PARP14: variants seen among roughly 807,000 people sequenced by gnomAD.
PARP14 encodes the protein poly(ADP-ribose) polymerase family member 14.
In PARP14, 59 loss-of-function variants were observed where a neutral mutation model predicts 154.2. The observed-to-expected ratio is 0.38, with a 90% confidence interval of 0.31 to 0.48. The LOEUF is 0.48. Among genes scored for constraint, PARP14 ranks in the 20% least tolerant of loss-of-function variants. PARP14 has a pLI of 0.98. For missense variants in PARP14, 1,734 were observed against 2,131.6 expected (o/e 0.81, Z 3.67); for synonymous variants, 720 against 780.5 (o/e 0.92, Z 1.29).
At position 122,727,589 on chromosome 3, in the gene PARP14, G is replaced by A. The variant is rs943698786; in HGVS notation, c.4942-223G>A. ...TCCTAAACCTTGTTTGATCTCATGC[G>A]GTACATAAAAGATGTTAAAAATTAA... On this transcript the variant is annotated intron_variant, in intron 15 of 16. Transcript: ENST00000474629. Among the ~76,000 whole-genome samples the A allele has an allele frequency of 1.3e-5, 2 of 152,142 alleles. No homozygotes were observed. The highest frequency in any genetic ancestry group is 2.9e-5 in the Non-Finnish European group (2 of 68,034).
intron 9 of PARP14, among the ~76,000 whole-genome samples, chr3:122,709,885 A>T: frequency 9.3e-6 from 1 of 107,614 alleles, no homozygotes. Context: ...TTTTGATGGG[A>T]TTATTTGTTT....
chr3:122,683,595 A>G (rs1369214528), intron 1 of PARP14, among the ~76,000 whole-genome samples: 1 of 152,228 alleles, frequency 6.6e-6, no homozygotes, highest in East Asian at 1.9e-4. Context: ...TTCTCCTTAA[A>G]TAAAATTAAA....
intron 14 of PARP14, 112 bp downstream of exon 14, chr3:122,719,070 T>C: frequency 9.4e-7 from 1 of 1,059,792 alleles, no homozygotes; most frequent in Non-Finnish European, 1.3e-6. Context: ...GTGACACTAA[T>C]GAAATAAACT....
rs1226250832 is a variant in PARP14 at position 122,701,549 on chromosome 3, G to A, written c.2995G>A (p.Gly999Arg). 2 of 1,610,716 alleles carry A rather than the reference G, an allele frequency of 1.2e-6. No individual in the cohort carries two copies. The highest frequency in any genetic ancestry group is 2.2e-5 in the East Asian group (1 of 44,798). ...TTTACCACCAGCAGCAGCGGGGCCT[G>A]GGAAAACATCATGGGAAAAAGGAAG... ...PGLPPAAAGPGKTSWEKGSLV... is the reference protein window; with the variant it reads ...PGLPPAAAGPRKTSWEKGSLV... Residue 999 changes from glycine (G) to arginine (R), a missense_variant, in exon 6 of 17, where the codon GGG becomes AGG. Around this residue, in one of 2 missense-constraint regions of PARP14, gnomAD observed 1,646 missense variants for 1,976.0 expected, o/e 0.83. Coordinates refer to ENST00000474629, the MANE Select transcript of PARP14 (RefSeq NM_017554.3). This position sits in a 1 kb window ranked among gnomAD's most constrained non-coding sequence, Gnocchi z 4.0.
In PARP14 at chr3:122,712,069, T is replaced by C. The variant is rs1278696283; in HGVS notation, c.3620-1355T>C. ...TCATTTTTATCTTTTTTTGTTTGTT[T>C]GTTTGAGGTCTTTTTAAAATAGTTT... On this transcript the variant is annotated intron_variant, in intron 9 of 16. Transcript: ENST00000474629. 2.0e-5 allele frequency among the ~76,000 whole-genome samples: 3 copies of C among 152,132 alleles called. No homozygotes were observed. In the East Asian group the frequency reaches 5.8e-4, roughly 29 times the overall value.
In PARP14 at chr3:122,713,194, C is replaced by T. The variant is rs376380946; in HGVS notation, c.3620-230C>T. Among the ~76,000 whole-genome samples the T allele has an allele frequency of 1.1e-3, 163 of 152,322 alleles. 3 individuals are homozygous for T. In the South Asian group the frequency reaches 0.032, roughly 30 times the overall value. On this transcript the variant is annotated intron_variant, in intron 9 of 16. Transcript: ENST00000474629. ...GGAGAGATAGGCTATAGTACGCTAA[C>T]TTCACCTTGGTCAGCACCAGAGTTC... is the stretch of plus-strand genomic sequence containing the variant.
In PARP14 at chr3:122,680,967, GA is replaced by G. The variant is rs1938184851; in HGVS notation, c.85del (p.Met29CysfsTer57). The part of the protein sequence containing the change: ...PPKNLNTKLQ[M>X]YFQSPKRSGG... ...CGAAGAACTTGAACACCAAGTTGCA[GA>G]TGTACTTCCAGAGCCCGAAGAGGTC... On this transcript the variant is annotated frameshift_variant, in exon 1 of 17. Transcript: ENST00000474629. LOFTEE classifies it high-confidence loss of function. 6.2e-7 allele frequency: 1 copy of G among 1,613,704 alleles called. No individual in the cohort carries two copies. The highest frequency in any genetic ancestry group is 8.5e-7 in the Non-Finnish European group (1 of 1,179,656).
intron 12 of PARP14, among the ~76,000 whole-genome samples, chr3:122,716,488 G>A (rs1186772854): frequency 6.6e-6 from 1 of 152,192 alleles, no homozygotes; most frequent in Non-Finnish European, 1.5e-5. Flanking sequence ...GGAGCACTGA[G>A]CCCAGTGTGA....
chr3:122,699,526 G>A lies in PARP14; in HGVS notation c.972G>A (p.Glu324=). The change falls in exon 6 of 17, where the codon GAG becomes GAA. Residue 324 remains glutamate (E), a synonymous_variant. Transcript: ENST00000474629. ...TCAAGCTTCCAGCACCATTTGAAGAGTCACTAGATCTTCCCTTATGGAAGT... is the reference window on the plus strand; with the variant it reads ...TCAAGCTTCCAGCACCATTTGAAGAATCACTAGATCTTCCCTTATGGAAGT... ...PLIKLPAPFE[E]SLDLPLWKFL... 1 of 1,613,932 alleles carries A rather than the reference G, an allele frequency of 6.2e-7. No individual in the cohort carries two copies. Among genetic ancestry groups the A allele is most frequent in the Non-Finnish European group, 8.5e-7 (1 of 1,179,814 alleles).
chr3:122,695,836 G>A (rs2107641233), intron 5 of PARP14, among the ~76,000 whole-genome samples, 174 bp downstream of exon 5: 1 of 152,328 alleles, frequency 6.6e-6, no homozygotes, highest in Non-Finnish European at 1.5e-5. Context: ...CAGTGATTCA[G>A]ACTTTAGAGA....
At chr3:122,695,362 C>T (rs1005986673) in intron 4 of PARP14, 64 bp from the exon 5 acceptor site, 10 of 808,576 alleles carry the variant, frequency 1.2e-5, no homozygotes, top group Middle Eastern at 2.7e-4. Context: ...ACATTTTCTT[C>T]TATACAACAT....
chr3:122,687,960 A>G (rs1938423811), intron 3 of PARP14, among the ~76,000 whole-genome samples: 1 of 152,258 alleles, frequency 6.6e-6, no homozygotes, highest in Non-Finnish European at 1.5e-5. Context: ...AGAGCTGCCT[A>G]TATTTGGCAA....
intron 3 of PARP14, among the ~76,000 whole-genome samples, chr3:122,691,998 T>A (rs1244797362): frequency 6.6e-6 from 1 of 152,228 alleles, no homozygotes; most frequent in Admixed American, 6.5e-5. Flanking sequence ...CCACAGAGGT[T>A]AATATATGTA....
intron 5 of PARP14, among the ~76,000 whole-genome samples, 161 bp downstream of exon 5, chr3:122,695,823 G>A (rs375855822): frequency 1.6e-3 from 240 of 152,264 alleles, no homozygotes; most frequent in African/African-American, 5.5e-3. Flanking sequence ...TGCTTAATAA[G>A]GCCAGTGATT....
rs1939195821 is a variant in PARP14, at chr3:122,707,435, A to G, written c.3541-755A>G. On this transcript the variant is annotated intron_variant, in intron 8 of 16. Transcript: ENST00000474629. The stretch of plus-strand genomic sequence containing the variant: ...AATAAATAAAGGATTGTGATTATAA[A>G]TTATTTTATTTAATATCCTTCGCTT... Among the ~76,000 whole-genome samples the G allele has an allele frequency of 2.8e-5, 4 of 141,244 alleles. No homozygotes were observed. In the South Asian group the frequency reaches 9.1e-4, roughly 32 times the overall value. The allele number at this position is 141,244 out of a possible 152,430, so 92.7% of individuals were successfully genotyped here. A position where few individuals can be genotyped will look rare whatever the true frequency, so the allele number is the denominator to read the frequency against.
Position 122,700,151 on chromosome 3 carries a change from C to G in PARP14, c.1597C>G (p.Gln533Glu). 1 of 1,613,412 alleles carries G rather than the reference C, an allele frequency of 6.2e-7. No individual in the cohort carries two copies. The highest frequency in any genetic ancestry group is 1.3e-5 in the African/African-American group (1 of 75,030). The part of the protein sequence containing the change: ...EIQEKVYTMA[Q>E]KNIQVSPEIF... Reference sequence around the variant, plus strand: ...CCAGGAAAAGGTGTACACCATGGCTCAGAAAAACATTCAGGTTTCTCCTGA... The same window carrying G: ...CCAGGAAAAGGTGTACACCATGGCTGAGAAAAACATTCAGGTTTCTCCTGA... Residue 533 changes from glutamine (Q) to glutamate (E), a missense_variant, in exon 6 of 17, where the codon CAG becomes GAG. Physicochemically the swap from Gln to Glu is conservative, Grantham distance 29. Transcript: ENST00000474629.
chr3:122,720,464 C>A, intron 15 of PARP14, 76 bp downstream of exon 15: 3 of 1,343,746 alleles, frequency 2.2e-6, no homozygotes, highest in African/African-American at 1.4e-5. Flanking sequence ...AATCCATTTT[C>A]ATTCACTTCC....
At chr3:122,721,034 G>T in intron 15 of PARP14, 1 of 311,556 alleles carries the variant, frequency 3.2e-6, no homozygotes, top group Non-Finnish European at 6.3e-6. Flanking sequence ...GACTTCTCTA[G>T]CAAAATTATT....
chr3:122,681,342 C>A lies in PARP14; in HGVS notation c.187+272C>A, dbSNP rs1041334434. Among the ~76,000 whole-genome samples, 6 of 152,224 alleles carry A rather than the reference C, an allele frequency of 3.9e-5. No homozygotes were observed. The highest frequency in any genetic ancestry group is 8.8e-5 in the Non-Finnish European group (6 of 68,040). Reference sequence around the variant, plus strand: ...CGCAAGTAACTCTTTATCCCTCGATCGTTTTCTGTCTTTCCCTGTTGTGGT... The same window carrying A: ...CGCAAGTAACTCTTTATCCCTCGATAGTTTTCTGTCTTTCCCTGTTGTGGT... On this transcript the variant is annotated intron_variant, in intron 1 of 16. Transcript: ENST00000474629. This position sits in a 1 kb window ranked among gnomAD's most constrained non-coding sequence, Gnocchi z 5.5.
Sources: allele counts gnomAD v4.1 joint callset (sites outside exome capture counted in the v4.1 genomes callset), GRCh38; gene constraint gnomAD v4.1.1; regional missense constraint gnomAD v4.1.1; non-coding constraint Gnocchi (gnomAD v3.1); transcripts MANE v1.5; gene names NCBI Gene and HGNC (gene_info 2026-07-23, HGNC 2026-07-21).